Variants in PHACTR3 observed in about 807,000 individuals in gnomAD.
PHACTR3 encodes the protein protein phosphatase 1, regulatory subunit 123.
Under a neutral mutation model 66.8 loss-of-function variants are expected in PHACTR3, and 16 were observed. The ratio of observed to expected loss-of-function variants is 0.24; its 90% CI spans 0.16 to 0.36. The LOEUF is 0.36. PHACTR3 is among the 10% of genes least tolerant of loss of function. The probability of loss-of-function intolerance (pLI) is 1.00; values close to 1 mark genes in which losing one functional copy is unlikely to be tolerated. For synonymous variants in PHACTR3, 323 were observed against 292.1 expected (o/e 1.11, Z -1.08); for missense variants, 647 against 719.9 (o/e 0.90, Z 1.16).
chr20:59,583,981 A>C (rs533782187), intron 1 of PHACTR3, among the ~76,000 whole-genome samples: 1 of 152,248 alleles, frequency 6.6e-6, no homozygotes, highest in Non-Finnish European at 1.5e-5. Flanking sequence ...CTTGGGCCTC[A>C]CACTACGAAG....
At chr20:59,685,934 G>A (rs2036846128) in intron 1 of PHACTR3, among the ~76,000 whole-genome samples, 1 of 152,218 alleles carries the variant, frequency 6.6e-6, no homozygotes, top group Admixed American at 6.5e-5. Flanking sequence ...GCCTGGACCA[G>A]AGGCCCTCGG....
chr20:59,598,781 C>CA (rs928518138), intron 1 of PHACTR3, among the ~76,000 whole-genome samples: 2 of 152,058 alleles, frequency 1.3e-5, no homozygotes, highest in African/African-American at 4.8e-5. Context: ...GTCCAAGGAC[C>CA]ATTCCCACCC....
intron 1 of PHACTR3, among the ~76,000 whole-genome samples, chr20:59,699,930 C>G (rs996186202): frequency 2.0e-5 from 3 of 152,158 alleles, no homozygotes; most frequent in Admixed American, 6.5e-5. Flanking sequence ...CCACTGCACT[C>G]CAGCCTGGCA....
At chr20:59,623,430 CTG>C in intron 1 of PHACTR3, among the ~76,000 whole-genome samples, 1 of 152,344 alleles carries the variant, frequency 6.6e-6, no homozygotes, top group South Asian at 2.1e-4. Context: ...CAAACATCGA[CTG>C]TCTTTTTCAT....
At chr20:59,602,871 C>T (rs1264214725), upstream of PHACTR3, among the ~76,000 whole-genome samples, 1 of 152,206 alleles carries the variant, frequency 6.6e-6, no homozygotes, top group East Asian at 1.9e-4. Flanking sequence ...GTTGAAGACC[C>T]ACTTGGAGAG....
intron 1 of PHACTR3, among the ~76,000 whole-genome samples, chr20:59,728,111 CAT>C (rs1411769810): frequency 1.3e-5 from 2 of 152,202 alleles, no homozygotes; most frequent in Admixed American, 6.5e-5. Flanking sequence ...GCATCTGCCA[CAT>C]GTGTCTAGTT....
chr20:59,733,218 T>C (rs1054410440), intron 1 of PHACTR3, among the ~76,000 whole-genome samples: 6 of 152,152 alleles, frequency 3.9e-5, no homozygotes, highest in Non-Finnish European at 5.9e-5. Flanking sequence ...GTTTTGTTTT[T>C]ATTGATCAGC....
At chr20:59,779,921 T>C (rs762567821) in intron 7 of PHACTR3, among the ~76,000 whole-genome samples, 39 of 152,248 alleles carry the variant, frequency 2.6e-4, no homozygotes, top group Non-Finnish European at 4.4e-4. Flanking sequence ...GTCTTTGTGT[T>C]GTCACTGCCC....
chr20:59,618,412 C>T (rs2034111344), intron 1 of PHACTR3, among the ~76,000 whole-genome samples: 1 of 152,144 alleles, frequency 6.6e-6, no homozygotes, highest in African/African-American at 2.4e-5. Flanking sequence ...GGCTGGCCAC[C>T]CCGGGTGGAA....
At chr20:59,796,794 C>T (rs1406866844) in intron 7 of PHACTR3, among the ~76,000 whole-genome samples, 2 of 152,000 alleles carry the variant, frequency 1.3e-5, no homozygotes, top group East Asian at 1.9e-4. Context: ...CTTGTTTTCA[C>T]CTTTTGGTGG....
At chr20:59,652,024 A>G (rs187974477) in intron 1 of PHACTR3, among the ~76,000 whole-genome samples, 1 of 152,344 alleles carries the variant, frequency 6.6e-6, no homozygotes, top group African/African-American at 2.4e-5. Flanking sequence ...GTGTAATTCT[A>G]GTCTGAGTCT....
At chr20:59,703,794 T>C (rs1431534588) in intron 1 of PHACTR3, among the ~76,000 whole-genome samples, 1 of 152,114 alleles carries the variant, frequency 6.6e-6, no homozygotes, top group Non-Finnish European at 1.5e-5. Context: ...AGAGTACTCC[T>C]GAGAAGACAC....
intron 1 of PHACTR3, among the ~76,000 whole-genome samples, chr20:59,625,775 G>C (rs1270243382): frequency 6.6e-6 from 1 of 152,228 alleles, no homozygotes; most frequent in Non-Finnish European, 1.5e-5. Flanking sequence ...GCCCGGGGCT[G>C]TTTCTCACCC....
Position 59,785,799 on chromosome 20 carries a change from C to T in PHACTR3, c.1174+11309C>T, listed in dbSNP as rs530224907. 2.6e-5 allele frequency among the ~76,000 whole-genome samples: 4 copies of T among 152,316 alleles called. No individual in the cohort carries two copies. In the South Asian group the frequency reaches 6.2e-4, roughly 24 times the overall value. ...TCCCTGGCATGTTGCACCAGCACAG[C>T]GTGTGAGGTCCGATCCTTAAAGCTG... On this transcript the variant is annotated intron_variant, in intron 7 of 12. Transcript: ENST00000371015.
intron 7 of PHACTR3, among the ~76,000 whole-genome samples, chr20:59,779,913 CTT>C (rs566448702): frequency 1.4e-4 from 21 of 152,332 alleles, no homozygotes; most frequent in African/African-American, 5.1e-4. Context: ...GAGAAACAGT[CTT>C]TGTGTTGTCA....
intron 1 of PHACTR3, among the ~76,000 whole-genome samples, chr20:59,671,826 A>G (rs1196312047): frequency 6.6e-6 from 1 of 152,256 alleles, no homozygotes; most frequent in African/African-American, 2.4e-5. Flanking sequence ...TTCTCCAGTT[A>G]GGCCAAGTCC....
At chr20:59,769,340 C>A (rs1040658685) in intron 5 of PHACTR3, among the ~76,000 whole-genome samples, 1 of 152,212 alleles carries the variant, frequency 6.6e-6, no homozygotes, top group African/African-American at 2.4e-5. Flanking sequence ...AAGCTGAGCT[C>A]ATGCTGGATT....
At chr20:59,648,864 C>G (rs1223280202) in intron 1 of PHACTR3, among the ~76,000 whole-genome samples, 1 of 152,198 alleles carries the variant, frequency 6.6e-6, no homozygotes, top group South Asian at 2.1e-4. Context: ...GCCTGTGTCC[C>G]CCATAGGAGG....
chr20:59,697,551 C>A (rs916514681), intron 1 of PHACTR3, among the ~76,000 whole-genome samples: 2 of 152,122 alleles, frequency 1.3e-5, no homozygotes, highest in African/African-American at 4.8e-5. Context: ...CTCATCGAAC[C>A]TTCCTGAACC....
Sources: gnomAD v4.1 joint callset for allele counts (sites outside exome capture counted in the v4.1 genomes callset) on GRCh38, gnomAD v4.1.1 for gene constraint, MANE v1.5 for transcripts, NCBI Gene and HGNC (gene_info 2026-07-23, HGNC 2026-07-21) for gene names.